Variants in ARHGAP15 observed in about 807,000 individuals in gnomAD.
ARHGAP15 encodes the protein Rho GTPase activating protein 15, also known as rho GTPase-activating protein 15.
Under a neutral mutation model 63.7 loss-of-function variants are expected in ARHGAP15, and 51 were observed. That is an observed-to-expected ratio of 0.80 (90% CI 0.64 to 1.01). The LOEUF (loss-of-function observed/expected upper bound fraction) is 1.01. Ranked by LOEUF, ARHGAP15 falls within the 50% of genes least tolerant of loss-of-function variation. ARHGAP15 has a pLI of 0.00. For synonymous variants in ARHGAP15, 191 were observed against 193.8 expected, an observed-to-expected ratio of 0.99 and a Z score of 0.12; for missense variants, 560 against 564.6, an observed-to-expected ratio of 0.99 and a Z score of 0.08.
chr2:143,153,837 T>TCCTCCTCC (rs1558779549), intron 1 of ARHGAP15, among the ~76,000 whole-genome samples: 781 of 72,074 alleles, frequency 0.011, 50 homozygotes, highest in Middle Eastern at 0.016. Context: ...CTTCTTCTTC[T>TCCTCCTCC]TCTTCTTCCT....
chr2:143,394,615 CAGA>C (rs1393597419), intron 6 of ARHGAP15, among the ~76,000 whole-genome samples: 1 of 152,150 alleles, frequency 6.6e-6, no homozygotes, highest in Admixed American at 6.6e-5. Flanking sequence ...CGGAAAACAA[CAGA>C]AATTAAAATA....
chr2:143,320,390 A>C (rs2105220799), intron 6 of ARHGAP15, among the ~76,000 whole-genome samples: 3 of 114,656 alleles, frequency 2.6e-5, no homozygotes, highest in Admixed American at 9.8e-5. Context: ...GATAAATGCC[A>C]CAAATCAGGA....
rs116108228 is a variant in ARHGAP15, at chr2:143,387,190, A to G, written c.475-48411A>G. Among the ~76,000 whole-genome samples, 1,246 of 152,314 alleles carry G rather than the reference A, an allele frequency of 8.2e-3. 11 individuals carry two copies. Among genetic ancestry groups the G allele is most frequent in the Non-Finnish European group, 0.012 (795 of 68,014 alleles). On this transcript the variant is annotated intron_variant, in intron 6 of 13. Transcript: ENST00000295095. ...AATCATTAATTCCTAGGGAAAAAAG[A>G]TGAAAAAGAGTTCAGATAGTGATTG...
intron 6 of ARHGAP15, among the ~76,000 whole-genome samples, chr2:143,262,489 T>C (rs931961230): frequency 1.5e-4 from 22 of 151,198 alleles, no homozygotes; most frequent in Non-Finnish European, 2.8e-4. Context: ...TTTGTTTGTC[T>C]GAAGGAGTCA....
intron 6 of ARHGAP15, among the ~76,000 whole-genome samples, chr2:143,315,549 G>A (rs954543649): frequency 6.6e-6 from 1 of 152,102 alleles, no homozygotes; most frequent in South Asian, 2.1e-4. Context: ...ACAGCTGTCT[G>A]TATTTTATAA....
intron 6 of ARHGAP15, among the ~76,000 whole-genome samples, chr2:143,421,798 A>G (rs1239117618): frequency 0.052 from 780 of 15,050 alleles, 6 homozygotes; most frequent in African/African-American, 0.18. Context: ...ATATATATAT[A>G]TATGTGTGTG....
intron 10 of ARHGAP15, among the ~76,000 whole-genome samples, chr2:143,526,739 C>T (rs1481233731): frequency 6.6e-6 from 1 of 152,174 alleles, no homozygotes; most frequent in African/African-American, 2.4e-5. Context: ...ATTTGGAAAG[C>T]TTTCAGGTTT....
At chr2:143,393,725 C>T (rs1473322624) in intron 6 of ARHGAP15, among the ~76,000 whole-genome samples, 3 of 42,058 alleles carry the variant, frequency 7.1e-5, no homozygotes, top group African/African-American at 1.4e-4. Context: ...GAGACTCTGT[C>T]TAAAAAAAAA....
At chr2:143,754,702 C>G (rs774564427) in intron 13 of ARHGAP15, among the ~76,000 whole-genome samples, 1 of 152,176 alleles carries the variant, frequency 6.6e-6, no homozygotes, top group Non-Finnish European at 1.5e-5. Flanking sequence ...GGGCCACTTA[C>G]GTGGGACCTC....
intron 11 of ARHGAP15, chr2:143,587,716 A>G (rs1460219381): frequency 2.1e-6 from 1 of 470,578 alleles, no homozygotes; most frequent in Non-Finnish European, 4.4e-6. Flanking sequence ...CTTCTATCAG[A>G]ACTGGATGGA....
At chr2:143,698,430 G>T (rs1683943961) in intron 12 of ARHGAP15, among the ~76,000 whole-genome samples, 2 of 152,118 alleles carry the variant, frequency 1.3e-5, no homozygotes, top group South Asian at 4.1e-4. Flanking sequence ...AAACTATAAA[G>T]CCACATTCTT....
intron 12 of ARHGAP15, among the ~76,000 whole-genome samples, chr2:143,688,339 G>A (rs1683442742): frequency 6.6e-6 from 1 of 152,132 alleles, no homozygotes; most frequent in Non-Finnish European, 1.5e-5. Context: ...TCTCTCCAGA[G>A]CAATGTTCCA....
intron 11 of ARHGAP15, among the ~76,000 whole-genome samples, chr2:143,614,827 A>C (rs1323274476): frequency 6.6e-6 from 1 of 152,204 alleles, no homozygotes; most frequent in Non-Finnish European, 1.5e-5. Flanking sequence ...AATGAAACCC[A>C]ATGTAGGGAA....
intron 6 of ARHGAP15, among the ~76,000 whole-genome samples, chr2:143,307,947 A>C (rs181556522): frequency 2.4e-4 from 37 of 152,298 alleles, no homozygotes; most frequent in African/African-American, 7.5e-4. Context: ...CATGAACAAG[A>C]AACTAGATAC....
intron 10 of ARHGAP15, among the ~76,000 whole-genome samples, chr2:143,552,622 C>A (rs137894398): frequency 2.9e-4 from 44 of 152,188 alleles, no homozygotes; most frequent in African/African-American, 9.2e-4. Flanking sequence ...CCAGTGATTT[C>A]TGCCAACAGT....
intron 12 of ARHGAP15, among the ~76,000 whole-genome samples, chr2:143,636,108 G>T (rs1237335041): frequency 1.3e-5 from 2 of 152,064 alleles, no homozygotes; most frequent in East Asian, 3.9e-4. Context: ...GCAGGTGAAA[G>T]GTTGACCCTT....
At chr2:143,251,616 A>G (rs963638849) in intron 6 of ARHGAP15, among the ~76,000 whole-genome samples, 2 of 152,056 alleles carry the variant, frequency 1.3e-5, no homozygotes, top group Non-Finnish European at 1.5e-5. Flanking sequence ...AGAATAAATT[A>G]CTTTTCTGGT....
intron 6 of ARHGAP15, among the ~76,000 whole-genome samples, chr2:143,411,686 G>A (rs1688452355): frequency 6.6e-6 from 1 of 152,140 alleles, no homozygotes; most frequent in African/African-American, 2.4e-5. Flanking sequence ...AAGAACTGGA[G>A]ATACATTGGT....
At chr2:143,535,352 T>A (rs1694705656) in intron 10 of ARHGAP15, among the ~76,000 whole-genome samples, 1 of 152,182 alleles carries the variant, frequency 6.6e-6, no homozygotes, top group African/African-American at 2.4e-5. Context: ...TGTTTTCTTT[T>A]CAGTTAAAGT....
Sources: gnomAD v4.1 joint callset for allele counts (sites outside exome capture counted in the v4.1 genomes callset) on GRCh38, gnomAD v4.1.1 for gene constraint, MANE v1.5 for transcripts, NCBI Gene and HGNC (gene_info 2026-07-23, HGNC 2026-07-21) for gene names.